TMEM130: variants seen among roughly 807,000 people sequenced by gnomAD.
TMEM130 encodes transmembrane protein 130.
A neutral mutation model predicts 42.9 loss-of-function variants in TMEM130; 37 were observed. The ratio of observed to expected loss-of-function variants is 0.86; its 90% confidence interval spans 0.66 to 1.13. The LOEUF (loss-of-function observed/expected upper bound fraction) is 1.13. Ranked by LOEUF, TMEM130 falls within the 50% of genes most tolerant of loss-of-function variation. The pLI is 0.00. For missense variants in TMEM130, 545 were observed against 562.6 expected (o/e 0.97, Z 0.32); for synonymous variants, 259 against 237.7 (o/e 1.09, Z -0.82).
intron 5 of TMEM130, 127 bp from the exon 6 acceptor site, chr7:98,851,750 C>T: frequency 1.3e-6 from 1 of 793,878 alleles, no homozygotes; most frequent in Non-Finnish European, 1.9e-6. Flanking sequence ...TCAAGCCGTC[C>T]TGGACTCAGC....
chr7:98,864,123 T>A (rs1794855509), intron 1 of TMEM130, among the ~76,000 whole-genome samples: 1 of 152,084 alleles, frequency 6.6e-6, no homozygotes, highest in Non-Finnish European at 1.5e-5. Flanking sequence ...TATTTTGTTT[T>A]TCCTGCCAGC....
chr7:98,848,069 G>A lies in TMEM130; in HGVS notation c.1259C>T (p.Thr420Ile). ...GAGGGGGAGTGCTCACACGGTGTAA[G>A]TTTTGACAGACTTATAGAGGGGCGG... is the stretch of plus-strand genomic sequence containing the variant. ...LLPPLYKSVK[T>I]YTV Residue 420 changes from threonine to isoleucine, a missense_variant, in exon 8 of 8, where the codon ACT (threonine) becomes ATT (isoleucine). Coordinates refer to ENST00000339375, the MANE Select transcript of TMEM130 (RefSeq NM_152913.3). 6.2e-7 allele frequency: 1 copy of A among 1,613,884 alleles called. No homozygotes were observed. Among genetic ancestry groups the A allele is most frequent in the Non-Finnish European group, 8.5e-7 (1 of 1,179,902 alleles).
At chr7:98,863,599 T>C (rs1554400209) in intron 1 of TMEM130, among the ~76,000 whole-genome samples, 199 bp from the exon 2 acceptor site, 1 of 151,626 alleles carries the variant, frequency 6.6e-6, no homozygotes. Context: ...CACAGTCTTT[T>C]CAGTCTTATT....
At chr7:98,848,765 G>T in intron 6 of TMEM130, 70 bp from the exon 7 acceptor site, 2 of 1,083,262 alleles carry the variant, frequency 1.8e-6, no homozygotes, top group Non-Finnish European at 1.4e-6. Flanking sequence ...CAGGAAGCAA[G>T]CACAACAAAG....
rs111432171 is a variant in TMEM130, at chr7:98,851,407, G to A, written c.1006+14C>T. On this transcript the variant is annotated intron_variant, in intron 6 of 7. Coordinates refer to ENST00000339375, the MANE Select transcript of TMEM130 (RefSeq NM_152913.3). ...CCCATGTGGCACTGGAGCAGAAGGC[G>A]AGGTGTCACTTACTGGAGGGCCACA... 9.3e-5 allele frequency: 150 copies of A among 1,613,396 alleles called. No individual in the cohort carries two copies. The African/African-American group carries it at 1.1e-3, about 11-fold the overall frequency.
At chr7:98,856,540 C>T (rs1794639739) in intron 3 of TMEM130, among the ~76,000 whole-genome samples, 1 of 151,972 alleles carries the variant, frequency 6.6e-6, no homozygotes, top group Non-Finnish European at 1.5e-5. Flanking sequence ...GACAGGGTCT[C>T]ACTCTGTCAC....
intron 5 of TMEM130, among the ~76,000 whole-genome samples, chr7:98,854,257 A>G (rs151215680): frequency 1.3e-5 from 2 of 152,206 alleles, no homozygotes; most frequent in East Asian, 3.9e-4. Flanking sequence ...AATAAGAAAC[A>G]TCTGGACATG....
intron 5 of TMEM130, among the ~76,000 whole-genome samples, chr7:98,852,458 A>T (rs1291771788): frequency 6.6e-6 from 1 of 151,738 alleles, no homozygotes; most frequent in Non-Finnish European, 1.5e-5. Context: ...TAGCGATGGG[A>T]CTATATTGCC....
chr7:98,859,018 G>C (rs368026030), intron 3 of TMEM130, among the ~76,000 whole-genome samples: 3 of 145,678 alleles, frequency 2.1e-5, no homozygotes, highest in South Asian at 2.2e-4. Context: ...GAGGAAGGGG[G>C]AAGGAAGGAA....
At chr7:98,862,487 C>CTTTT (rs57165730) in intron 2 of TMEM130, among the ~76,000 whole-genome samples, 16 of 65,788 alleles carry the variant, frequency 2.4e-4, no homozygotes, top group African/African-American at 8.2e-4. Context: ...ACAATAATTT[C>CTTTT]TTTTTTTTTT....
intron 6 of TMEM130, 88 bp from the exon 7 acceptor site, chr7:98,848,783 T>G: frequency 1.1e-6 from 1 of 912,626 alleles, no homozygotes; most frequent in Non-Finnish European, 1.8e-6. Context: ...AAGGAGGGAA[T>G]GGTCAAGCCC....
chr7:98,869,865 G>A lies in TMEM130; in HGVS notation c.-4C>T, dbSNP rs1043254863. 8 of 1,370,778 alleles carry A rather than the reference G, an allele frequency of 5.8e-6. No homozygotes were observed. In the Admixed American group the frequency reaches 1.2e-4, roughly 21 times the overall value. 84.9% of individuals were successfully genotyped at this position (1,370,778 alleles called of 1,614,324 possible). A position where few individuals can be genotyped will look rare whatever the true frequency, so the allele number is the denominator to read the frequency against. Reference sequence around the variant, plus strand: ...GCGACCACACTGCCTGGGCCATTGCGGGGCCCGGAGCGGGAGAAGCGTGGG... The same window carrying A: ...GCGACCACACTGCCTGGGCCATTGCAGGGCCCGGAGCGGGAGAAGCGTGGG... On this transcript the variant is annotated 5_prime_UTR_variant, in exon 1 of 8. Transcript: ENST00000339375. This position sits in a 1 kb window ranked among gnomAD's most constrained non-coding sequence, Gnocchi z 4.7.
At position 98,869,428 on chromosome 7, in the gene TMEM130, G is replaced by C. The variant is rs1183975502; in HGVS notation, c.85+349C>G. The C allele has an allele frequency of 1.4e-5, 17 of 1,204,506 alleles. No homozygotes were observed. The highest frequency in any genetic ancestry group is 3.4e-4 in the Middle Eastern group (1 of 2,984). 74.6% of individuals were successfully genotyped at this position (1,204,506 alleles called of 1,614,324 possible). On this transcript the variant is annotated intron_variant, in intron 1 of 7. Transcript: ENST00000339375. The surrounding 1 kb of genome is among the most constrained non-coding windows in gnomAD (Gnocchi z 4.7). ...CGATGACGGACCCTGGCGCATCCCC[G>C]CCTCCCTGCCTCGTCCTCCCCTCCC...
rs548192861 is a variant in TMEM130, at chr7:98,851,328, G to A, written c.1006+93C>T. On this transcript the variant is annotated intron_variant, in intron 6 of 7. Coordinates refer to ENST00000339375, the MANE Select transcript of TMEM130 (RefSeq NM_152913.3). Reference sequence around the variant, plus strand: ...CTTTGTTGCTGAGGACCTTGGTAAGGCTGGCTGGTAGGAGCGTATTGGTGG... The same window carrying A: ...CTTTGTTGCTGAGGACCTTGGTAAGACTGGCTGGTAGGAGCGTATTGGTGG... 2.2e-5 allele frequency: 29 copies of A among 1,325,816 alleles called. No individual in the cohort carries two copies. The African/African-American group carries it at 3.6e-4, about 16-fold the overall frequency. 82.1% of individuals were successfully genotyped at this position (1,325,816 alleles called of 1,614,324 possible). A position where few individuals can be genotyped will look rare whatever the true frequency, so the allele number is the denominator to read the frequency against.
At chr7:98,855,411 C>G in intron 4 of TMEM130, 87 bp from the exon 5 acceptor site, 1 of 1,206,222 alleles carries the variant, frequency 8.3e-7, no homozygotes, top group Non-Finnish European at 1.2e-6. Flanking sequence ...GACTGCCACC[C>G]TGTCCTCCCC....
chr7:98,863,381 G>A lies in TMEM130; in HGVS notation c.105C>T (p.Leu35=), dbSNP rs143611325. ...GVAAGLYELN[L]TTDSPATTGA... ...CCGTGGTGGCAGGGCTATCGGTGGT[G>A]AGATTGAGTTCATACAGGCCTAGGA... Residue 35 remains leucine (L), a synonymous_variant, in exon 2 of 8, where the codon CTC becomes CTT. Coordinates refer to ENST00000339375, the MANE Select transcript of TMEM130 (RefSeq NM_152913.3). 322 of 1,596,358 alleles carry A rather than the reference G, an allele frequency of 2.0e-4. 1 individual carries two copies. The African/African-American group carries it at 3.8e-3, about 19-fold the overall frequency.
chr7:98,855,241 T>A lies in TMEM130; in HGVS notation c.802A>T (p.Ser268Cys), dbSNP rs782251360. Residue 268 changes from serine to cysteine, a missense_variant and splice_region_variant, in exon 5 of 8, where the codon AGC becomes TGC. Physicochemically the swap from Ser to Cys is moderately radical, Grantham distance 112 (BLOSUM62 -1). Coordinates refer to ENST00000339375, the MANE Select transcript of TMEM130 (RefSeq NM_152913.3). Reference sequence around the variant, plus strand: ...CAGTGCGCTCTGGAGCTCACTTACCTCCCCAGGAAGTTCAAGGTCACGGTC... The same window carrying A: ...CAGTGCGCTCTGGAGCTCACTTACCACCCCAGGAAGTTCAAGGTCACGGTC... ...KMTVTLNFLG[S>C]PPLTVCWRLK... 8 of 1,612,866 alleles carry A rather than the reference T, an allele frequency of 5.0e-6. No individual in the cohort carries two copies. The East Asian group carries it at 1.6e-4, about 31-fold the overall frequency.
intron 2 of TMEM130, among the ~76,000 whole-genome samples, chr7:98,861,942 T>C (rs1794779284): frequency 6.6e-6 from 1 of 152,204 alleles, no homozygotes; most frequent in South Asian, 2.1e-4. Flanking sequence ...TGTGCTTTGC[T>C]TTTTTAATAT....
At position 98,847,930 on chromosome 7, in the gene TMEM130, G is replaced by T; in HGVS notation, c.*126C>A. 1.1e-6 allele frequency: 1 copy of T among 896,042 alleles called. No homozygotes were observed. Among genetic ancestry groups the T allele is most frequent in the Non-Finnish European group, 1.7e-6 (1 of 575,294 alleles). 55.5% of individuals were successfully genotyped at this position (896,042 alleles called of 1,614,324 possible). A position where few individuals can be genotyped will look rare whatever the true frequency, so the allele number is the denominator to read the frequency against. The stretch of plus-strand genomic sequence containing the variant: ...TGGCAGTGGCTGAACTGTACAGATG[G>T]ATGGATGATCCAGGCCAACAGCCCC... On this transcript the variant is annotated 3_prime_UTR_variant, in exon 8 of 8. Transcript: ENST00000339375.
Sources: allele counts gnomAD v4.1 joint callset (sites outside exome capture counted in the v4.1 genomes callset), GRCh38; gene constraint gnomAD v4.1.1; non-coding constraint Gnocchi (gnomAD v3.1); transcripts MANE v1.5; gene names NCBI Gene and HGNC (gene_info 2026-07-23, HGNC 2026-07-21).